The following OSBPL1A variants were observed in gnomAD, a reference collection of about 807,000 sequenced individuals.
OSBPL1A encodes oxysterol-binding protein-related protein 1.
Under a neutral mutation model 137.1 loss-of-function variants are expected in OSBPL1A, and 80 were observed. That is an observed-to-expected ratio of 0.58 (90% CI 0.49 to 0.70). The LOEUF is 0.70. Ranked by LOEUF, OSBPL1A falls within the 30% of genes least tolerant of loss-of-function variation. The pLI is 0.00. For synonymous variants in OSBPL1A, 365 were observed against 389.7 expected (o/e 0.94, Z 0.75); for missense variants, 970 against 1,129.4 (o/e 0.86, Z 2.02).
At chr18:24,191,817 C>T (rs543979914) in intron 18 of OSBPL1A, among the ~76,000 whole-genome samples, 2 of 152,228 alleles carry the variant, frequency 1.3e-5, no homozygotes, top group Non-Finnish European at 2.9e-5. Flanking sequence ...CTCAGTTTCA[C>T]CCCTACAAAA....
chr18:24,216,966 T>C (rs190680537), intron 17 of OSBPL1A, among the ~76,000 whole-genome samples: 104 of 152,314 alleles, frequency 6.8e-4, no homozygotes, highest in African/African-American at 2.4e-3. Flanking sequence ...TGAAACACTT[T>C]TTTCTTATCA....
chr18:24,333,828 C>A (rs1189532269), intron 6 of OSBPL1A, among the ~76,000 whole-genome samples: 1 of 152,152 alleles, frequency 6.6e-6, no homozygotes, highest in Non-Finnish European at 1.5e-5. Context: ...AGAAGTGTAG[C>A]ATTCCTCCCA....
Position 24,377,961 on chromosome 18 carries a change from T to C in OSBPL1A, c.-2-426A>G, listed in dbSNP as rs77139587. Among the ~76,000 whole-genome samples, 1,162 of 152,314 alleles carry C rather than the reference T, an allele frequency of 7.6e-3. 16 individuals carry two copies. The highest frequency in any genetic ancestry group is 0.027 in the African/African-American group (1,125 of 41,566). ...TTTATTTCCTATATGACCATTCATA[T>C]AGGAATAGTGTAAGACTAACATGTA... On this transcript the variant is annotated intron_variant, in intron 1 of 27. Coordinates refer to ENST00000319481, the MANE Select transcript of OSBPL1A (RefSeq NM_080597.4).
At chr18:24,327,886 T>C (rs2091008378) in intron 7 of OSBPL1A, among the ~76,000 whole-genome samples, 2 of 152,034 alleles carry the variant, frequency 1.3e-5, no homozygotes, top group African/African-American at 2.4e-5. Context: ...TTTTTTTCCA[T>C]TTAGACTGGT....
At chr18:24,241,847 T>C (rs551703110) in intron 15 of OSBPL1A, among the ~76,000 whole-genome samples, 5 of 152,256 alleles carry the variant, frequency 3.3e-5, no homozygotes, top group Admixed American at 3.3e-4. Flanking sequence ...TGCAGCACTA[T>C]TCACAATAGC....
At chr18:24,223,909 T>C (rs912464367) in intron 17 of OSBPL1A, among the ~76,000 whole-genome samples, 7 of 152,182 alleles carry the variant, frequency 4.6e-5, no homozygotes, top group African/African-American at 7.2e-5. Context: ...TCTTTAGAGA[T>C]TGGTAGGTCT....
chr18:24,299,202 T>C (rs1342117813), intron 14 of OSBPL1A, among the ~76,000 whole-genome samples: 1 of 152,198 alleles, frequency 6.6e-6, no homozygotes, highest in African/African-American at 2.4e-5. Context: ...TTGTATCTTT[T>C]AAGTAGAGCA....
intron 2 of OSBPL1A, among the ~76,000 whole-genome samples, chr18:24,375,463 G>A (rs1906035903): frequency 6.6e-6 from 1 of 152,142 alleles, no homozygotes; most frequent in Non-Finnish European, 1.5e-5. Flanking sequence ...TTTGATGCAA[G>A]GTTGTGATGT....
At chr18:24,281,104 T>G (rs1390465296) in intron 14 of OSBPL1A, among the ~76,000 whole-genome samples, 156 bp from the exon 15 acceptor site, 3 of 152,242 alleles carry the variant, frequency 2.0e-5, no homozygotes, top group African/African-American at 7.2e-5. Context: ...TTTGTTTTCT[T>G]GAGACGGAGT....
intron 17 of OSBPL1A, among the ~76,000 whole-genome samples, chr18:24,198,040 G>A (rs563595869): frequency 1.3e-5 from 2 of 151,840 alleles, no homozygotes; most frequent in African/African-American, 4.8e-5. Context: ...TACCTGCCTC[G>A]GCCTCCCAAA....
rs973438857 is a variant in OSBPL1A at position 24,271,696 on chromosome 18, G to A, written c.1281+9146C>T. The A allele has an allele frequency of 5.4e-5, 53 of 985,824 alleles. No individual in the cohort carries two copies. Among genetic ancestry groups the A allele is most frequent in the Non-Finnish European group, 6.4e-5 (53 of 830,368 alleles). 61.1% of individuals were successfully genotyped at this position (985,824 alleles called of 1,614,324 possible). ...CGCAAGCTCCAGCGCGAATGCGCTCGGCCTGCTCCTCCTCCTCCCCTCCAG... is the reference window on the plus strand; with the variant it reads ...CGCAAGCTCCAGCGCGAATGCGCTCAGCCTGCTCCTCCTCCTCCCCTCCAG... On this transcript the variant is annotated intron_variant, in intron 15 of 27. Coordinates refer to ENST00000319481, the MANE Select transcript of OSBPL1A (RefSeq NM_080597.4). The surrounding 1 kb of genome is among the most constrained non-coding windows in gnomAD (Gnocchi z 4.0).
intron 4 of OSBPL1A, among the ~76,000 whole-genome samples, chr18:24,359,079 A>G (rs867389774): frequency 6.6e-6 from 1 of 152,098 alleles, no homozygotes; most frequent in Non-Finnish European, 1.5e-5. Flanking sequence ...TTAGCCAGGT[A>G]CAGTGGCACA....
At chr18:24,227,580 GT>G (rs2088126092) in intron 16 of OSBPL1A, among the ~76,000 whole-genome samples, 1 of 152,204 alleles carries the variant, frequency 6.6e-6, no homozygotes, top group Non-Finnish European at 1.5e-5. Flanking sequence ...AGATCAGTTA[GT>G]TTTCTGGAGT....
chr18:24,250,581 T>C (rs1478812333), intron 15 of OSBPL1A, among the ~76,000 whole-genome samples: 1 of 152,308 alleles, frequency 6.6e-6, no homozygotes. Context: ...TGAAGAGCCT[T>C]TGGGCCCTGA....
chr18:24,312,101 C>T lies in OSBPL1A; in HGVS notation c.975G>A (p.Trp325Ter). 1 of 1,613,582 alleles carries T rather than the reference C, an allele frequency of 6.2e-7. No individual in the cohort carries two copies. Among genetic ancestry groups the T allele is most frequent in the East Asian group, 2.2e-5 (1 of 44,852 alleles). ...KNSLQQSRED[W>*]LEAIEEHSAY... ...CAGAATGTTCTTCTATTGCTTCCAG[C>T]CAGTCCTGAAATCATGCAAGAATTT... The change falls in exon 13 of 28, where the codon TGG (tryptophan) becomes TGA (stop). Residue 325 changes from tryptophan to a stop codon, truncating the protein, a stop_gained. Transcript: ENST00000319481. LOFTEE classifies it high-confidence loss of function.
At chr18:24,296,336 T>C (rs1258501162) in intron 14 of OSBPL1A, among the ~76,000 whole-genome samples, 3 of 152,346 alleles carry the variant, frequency 2.0e-5, no homozygotes, top group African/African-American at 7.2e-5. Flanking sequence ...GTGCTACTGA[T>C]TTGTATACAT....
At chr18:24,207,219 G>A (rs2087400625) in intron 17 of OSBPL1A, among the ~76,000 whole-genome samples, 1 of 152,006 alleles carries the variant, frequency 6.6e-6, no homozygotes, top group African/African-American at 2.4e-5. Flanking sequence ...GAGTAGCTGG[G>A]ATTACAGGCA....
chr18:24,209,392 A>T (rs1021621277), intron 17 of OSBPL1A, among the ~76,000 whole-genome samples: 1 of 152,190 alleles, frequency 6.6e-6, no homozygotes, highest in Non-Finnish European at 1.5e-5. Context: ...CAAAACATCA[A>T]ATGTTGGTGA....
At chr18:24,390,678 G>C (rs1907276297) in intron 1 of OSBPL1A, among the ~76,000 whole-genome samples, 1 of 105,502 alleles carries the variant, frequency 9.5e-6, no homozygotes, top group African/African-American at 3.9e-5. Flanking sequence ...CTGGGCAACA[G>C]AGTGCGACTC....
Sources: allele counts gnomAD v4.1 joint callset (sites outside exome capture counted in the v4.1 genomes callset), GRCh38; gene constraint gnomAD v4.1.1; non-coding constraint Gnocchi (gnomAD v3.1); transcripts MANE v1.5; gene names NCBI Gene and HGNC (gene_info 2026-07-23, HGNC 2026-07-21).